The following ZNG1B variants were observed in gnomAD, a reference collection of about 807,000 sequenced individuals.
ZNG1B encodes the protein Zn regulated GTPase metalloprotein activator 1B.
the ZNG1B span, among the ~76,000 whole-genome samples, chr2:113,481,181 T>TC: frequency 0.084 from 12,013 of 143,838 alleles, 303 homozygotes; most frequent in Non-Finnish European, 0.12. Context: ...ATATGATTTT[T>TC]CGAAATGTTT....
At chr2:113,496,107 AT>A in the ZNG1B span, 2 of 131,660 alleles carry the variant, frequency 1.5e-5, 1 homozygote, top group Non-Finnish European at 3.2e-5. Flanking sequence ...TTGTTATTAA[AT>A]TTTTTTAACA....
At chr2:113,477,220 G>A in the ZNG1B span, among the ~76,000 whole-genome samples, 14 of 152,244 alleles carry the variant, frequency 9.2e-5, no homozygotes, top group Non-Finnish European at 1.3e-4. Context: ...TAATCTCGTG[G>A]TGCGCCTTTT....
chr2:113,469,198 C>T, the ZNG1B span: 9 of 152,182 alleles, frequency 5.9e-5, no homozygotes, highest in African/African-American at 1.2e-4. Flanking sequence ...AGTTGGAGTG[C>T]GGTGGTGCGA....
the ZNG1B span, among the ~76,000 whole-genome samples, chr2:113,479,970 C>T: frequency 6.6e-6 from 1 of 152,002 alleles, no homozygotes; most frequent in Admixed American, 6.6e-5. Flanking sequence ...TATAGGCACA[C>T]ACTACCATGC....
chr2:113,475,223 G>T, the ZNG1B span, among the ~76,000 whole-genome samples: 1 of 148,418 alleles, frequency 6.7e-6, no homozygotes, highest in Non-Finnish European at 1.5e-5. Flanking sequence ...TTGTTGAATT[G>T]ATCCCTTTAC....
chr2:113,449,938 G>A, the ZNG1B span, among the ~76,000 whole-genome samples: 29,248 of 145,342 alleles, frequency 0.2, 3,125 homozygotes, highest in East Asian at 0.5. Flanking sequence ...TATTGCTTTC[G>A]TTCCTGAAAA....
the ZNG1B span, chr2:113,453,199 G>T: frequency 1.1e-5 from 18 of 1,590,132 alleles, no homozygotes; most frequent in African/African-American, 2.3e-4. Flanking sequence ...TACCTTGATG[G>T]TAAGTTAAAA....
At chr2:113,472,373 T>C in the ZNG1B span, among the ~76,000 whole-genome samples, 1 of 152,020 alleles carries the variant, frequency 6.6e-6, no homozygotes, top group African/African-American at 2.4e-5. Context: ...TCATTGTAGA[T>C]TCTGGATATT....
the ZNG1B span, chr2:113,444,232 C>G: frequency 1.1e-5 from 4 of 348,542 alleles, no homozygotes; most frequent in Non-Finnish European, 2.1e-5. Flanking sequence ...AAGAGAAAAA[C>G]CTTACATTAT....
At chr2:113,460,604 A>G in the ZNG1B span, 7 of 1,451,166 alleles carry the variant, frequency 4.8e-6, no homozygotes, top group Non-Finnish European at 6.6e-6. Context: ...TCTAAAGTAA[A>G]ATCCTTTGTG....
At chr2:113,478,540 C>T in the ZNG1B span, among the ~76,000 whole-genome samples, 38 of 152,200 alleles carry the variant, frequency 2.5e-4, no homozygotes, top group African/African-American at 8.9e-4. Flanking sequence ...CTCAGCCTCC[C>T]AAAGTGCTGG....
chr2:113,439,121 G>A, the ZNG1B span: 3 of 1,510,004 alleles, frequency 2.0e-6, no homozygotes, highest in Non-Finnish European at 2.7e-6. Context: ...CTCACTGGTA[G>A]GTCAGTAGAT....
the ZNG1B span, chr2:113,445,053 C>T: frequency 2.5e-6 from 4 of 1,609,238 alleles, no homozygotes; most frequent in Non-Finnish European, 2.5e-6. Context: ...TTGGCAGACC[C>T]AGGTAAGAAG....
At chr2:113,475,760 G>A in the ZNG1B span, among the ~76,000 whole-genome samples, 1 of 152,004 alleles carries the variant, frequency 6.6e-6, no homozygotes, top group African/African-American at 2.4e-5. Context: ...GCTTAGTTTG[G>A]CTGGATATGA....
At chr2:113,446,779 C>CACACACACACATTCAT in the ZNG1B span, among the ~76,000 whole-genome samples, 1 of 106,536 alleles carries the variant, frequency 9.4e-6, no homozygotes, top group Non-Finnish European at 2.1e-5. Flanking sequence ...CACGCACACA[C>CACACACACACATTCAT]ACACACACAC....
At chr2:113,478,164 G>GACAT in the ZNG1B span, among the ~76,000 whole-genome samples, 9 of 152,264 alleles carry the variant, frequency 5.9e-5, 1 homozygote, top group South Asian at 1.9e-3. Context: ...CATGAAAATG[G>GACAT]ACATGTCTCT....
chr2:113,482,265 A>T, the ZNG1B span: 1 of 1,098,158 alleles, frequency 9.1e-7, no homozygotes, highest in Non-Finnish European at 1.3e-6. Flanking sequence ...ATTCCTAATC[A>T]ATGTTTTTAA....
chr2:113,444,913 C>T, the ZNG1B span: 1 of 1,604,708 alleles, frequency 6.2e-7, no homozygotes, highest in South Asian at 1.1e-5. Context: ...ATAATAATCA[C>T]TTCAAAATAT....
chr2:113,441,752 T>C, the ZNG1B span: 3 of 202,168 alleles, frequency 1.5e-5, no homozygotes, highest in African/African-American at 7.2e-5. Flanking sequence ...TTTATTTTAT[T>C]TTTTTTGAGA....
Sources: gnomAD v4.1 joint callset for allele counts (sites outside exome capture counted in the v4.1 genomes callset) on GRCh38, gnomAD v4.1.1 for gene constraint, MANE v1.5 for transcripts, NCBI Gene and HGNC (gene_info 2026-07-23, HGNC 2026-07-21) for gene names.